The following DPF3 variants were observed in gnomAD, a reference collection of about 807,000 sequenced individuals.
DPF3 encodes double PHD fingers 3.
DPF3 carries 18 observed loss-of-function variants against 56.8 expected under a neutral mutation model. That is an observed-to-expected ratio of 0.32 (90% CI 0.22 to 0.47). DPF3 has a LOEUF of 0.47. DPF3 is among the 20% of genes least tolerant of loss of function. The pLI is 1.00. For synonymous variants in DPF3, 188 were observed against 180.2 expected, an observed-to-expected ratio of 1.04 and a Z score of -0.35; for missense variants, 403 against 488.8, an observed-to-expected ratio of 0.82 and a Z score of 1.65.
At chr14:72,794,195 C>T (rs928533036) in intron 1 of DPF3, among the ~76,000 whole-genome samples, 5 of 152,164 alleles carry the variant, frequency 3.3e-5, no homozygotes, top group African/African-American at 4.8e-5. Context: ...CTTCTCATGG[C>T]TTCACTGACA....
At chr14:72,741,742 C>G (rs531001478) in intron 3 of DPF3, among the ~76,000 whole-genome samples, 1 of 152,254 alleles carries the variant, frequency 6.6e-6, no homozygotes, top group African/African-American at 2.4e-5. Context: ...GATGAAGAAA[C>G]AGATGGGCCC....
chr14:72,818,396 TA>T (rs1883381961), intron 1 of DPF3, among the ~76,000 whole-genome samples: 1 of 152,108 alleles, frequency 6.6e-6, no homozygotes, highest in African/African-American at 2.4e-5. Context: ...AAGACATTGT[TA>T]TGCTGGGTGT....
At chr14:72,751,892 C>T (rs951882361) in intron 3 of DPF3, among the ~76,000 whole-genome samples, 6 of 152,116 alleles carry the variant, frequency 3.9e-5, no homozygotes, top group African/African-American at 1.4e-4. Context: ...GTTGGGACAA[C>T]CTTGTCATCA....
chr14:72,881,537 G>A (rs1042185759), intron 1 of DPF3, among the ~76,000 whole-genome samples: 1 of 152,194 alleles, frequency 6.6e-6, no homozygotes, highest in Non-Finnish European at 1.5e-5. Context: ...GGTCTTGGGG[G>A]TAGGAGGAAA....
At chr14:72,709,094 G>A (rs1163891299) in intron 6 of DPF3, among the ~76,000 whole-genome samples, 3 of 152,246 alleles carry the variant, frequency 2.0e-5, no homozygotes, top group African/African-American at 7.2e-5. Context: ...AGAACGGGAA[G>A]AGACCCTAGA....
chr14:72,848,462 G>A (rs1884847072), intron 1 of DPF3, among the ~76,000 whole-genome samples: 1 of 152,162 alleles, frequency 6.6e-6, no homozygotes, highest in Admixed American at 6.5e-5. Context: ...ACTGTACCTA[G>A]ACTTATGTAG....
At chr14:72,749,850 AAAAAAAAAGAAAAGAAAAG>A (rs1890490055) in intron 3 of DPF3, among the ~76,000 whole-genome samples, 1 of 100,126 alleles carries the variant, frequency 1.0e-5, no homozygotes, top group South Asian at 3.2e-4. Context: ...CCTGTTTAAA[AAAAAAAAAGAAAAGAAAAG>A]AAAAAAAAGT....
At chr14:72,749,451 T>C (rs1245391422) in intron 3 of DPF3, among the ~76,000 whole-genome samples, 1 of 152,252 alleles carries the variant, frequency 6.6e-6, no homozygotes, top group Admixed American at 6.5e-5. Context: ...GATGAGACTT[T>C]GGACTGTGGA....
chr14:72,667,191 AG>A (rs1274057212), intron 8 of DPF3, among the ~76,000 whole-genome samples: 1 of 152,174 alleles, frequency 6.6e-6, no homozygotes, highest in African/African-American at 2.4e-5. Flanking sequence ...CTGTCTTTAT[AG>A]TACCTCTAAA....
At chr14:72,739,683 G>A (rs1301617804) in intron 3 of DPF3, among the ~76,000 whole-genome samples, 2 of 152,180 alleles carry the variant, frequency 1.3e-5, no homozygotes, top group African/African-American at 4.8e-5. Context: ...GAAAGCAGAC[G>A]CTGGTGCTGC....
chr14:72,779,314 AC>A (rs1349065621), intron 1 of DPF3, among the ~76,000 whole-genome samples: 1 of 152,144 alleles, frequency 6.6e-6, no homozygotes, highest in Admixed American at 6.5e-5. Context: ...AGTCCTCATC[AC>A]CCAGCACCTG....
intron 4 of DPF3, among the ~76,000 whole-genome samples, chr14:72,730,532 C>T (rs1003693623): frequency 1.3e-5 from 2 of 152,070 alleles, no homozygotes; most frequent in Non-Finnish European, 2.9e-5. Flanking sequence ...GGAAAGGCCC[C>T]GGGGACACTG....
At chr14:72,863,302 G>A (rs186262837) in intron 1 of DPF3, among the ~76,000 whole-genome samples, 31 of 151,364 alleles carry the variant, frequency 2.0e-4, no homozygotes, top group East Asian at 1.9e-4. Context: ...TCTCCTCCCC[G>A]GCCCAAAGCT....
At chr14:72,748,331 G>T (rs1890411391) in intron 3 of DPF3, among the ~76,000 whole-genome samples, 1 of 152,252 alleles carries the variant, frequency 6.6e-6, no homozygotes, top group Non-Finnish European at 1.5e-5. Context: ...GAACTTGAGA[G>T]AGATGATTTA....
intron 1 of DPF3, among the ~76,000 whole-genome samples, chr14:72,777,938 C>T (rs1047636282): frequency 3.4e-4 from 51 of 152,206 alleles, no homozygotes; most frequent in Admixed American, 2.4e-3. Flanking sequence ...TATAGCAATA[C>T]AAGAATGGCC....
intron 1 of DPF3, among the ~76,000 whole-genome samples, chr14:72,878,063 T>C (rs1886184576): frequency 6.6e-6 from 1 of 152,184 alleles, no homozygotes; most frequent in Non-Finnish European, 1.5e-5. Context: ...GCAGCCCATA[T>C]TTGGCACACC....
At chr14:72,838,898 C>CATATATATATATATAT (rs1487324297) in intron 1 of DPF3, among the ~76,000 whole-genome samples, 7 of 80,670 alleles carry the variant, frequency 8.7e-5, no homozygotes, top group Non-Finnish European at 1.4e-4. Context: ...TATATATTAT[C>CATATATATATATATAT]ATATATATTC....
At chr14:72,727,616 A>G (rs562153576) in intron 4 of DPF3, among the ~76,000 whole-genome samples, 3 of 151,096 alleles carry the variant, frequency 2.0e-5, no homozygotes, top group African/African-American at 7.3e-5. Flanking sequence ...CAGGAACTCT[A>G]CTCTGATGCT....
intron 8 of DPF3, among the ~76,000 whole-genome samples, chr14:72,667,600 C>G (rs1886493395): frequency 6.6e-6 from 1 of 152,148 alleles, no homozygotes; most frequent in Non-Finnish European, 1.5e-5. Context: ...TCACACAGCT[C>G]CTACAATTCC....
Sources: gnomAD v4.1 joint callset for allele counts (sites outside exome capture counted in the v4.1 genomes callset) on GRCh38, gnomAD v4.1.1 for gene constraint, MANE v1.5 for transcripts, NCBI Gene and HGNC (gene_info 2026-07-23, HGNC 2026-07-21) for gene names.